Variants in UGT2B7 observed in about 807,000 individuals in gnomAD.
UGT2B7 encodes UDP glucuronosyltransferase family 2 member B7, also known as UDP-glucuronosyltransferase 2B7.
Under a neutral mutation model 51.9 loss-of-function variants are expected in UGT2B7, and 51 were observed. The ratio of observed to expected loss-of-function variants is 0.98; its 90% CI spans 0.78 to 1.24. The LOEUF is 1.24. Ranked by LOEUF, UGT2B7 falls within the 50% of genes most tolerant of loss-of-function variation. The pLI, the probability that UGT2B7 is intolerant of heterozygous loss-of-function variation, is 0.00. For synonymous variants in UGT2B7, 225 were observed against 211.6 expected (o/e 1.06, Z -0.55); for missense variants, 727 against 628.4 (o/e 1.16, Z -1.68).
chr4:69,063,573 G>T (rs1718406142), intron 1 of UGT2B7, among the ~76,000 whole-genome samples: 1 of 151,986 alleles, frequency 6.6e-6, no homozygotes, highest in Non-Finnish European at 1.5e-5. Flanking sequence ...CTGCCTCCTA[G>T]CCCAAAAAGA....
intron 1 of UGT2B7, among the ~76,000 whole-genome samples, chr4:69,064,029 AAAG>A (rs1487460419): frequency 1.3e-5 from 1 of 74,896 alleles, no homozygotes; most frequent in Non-Finnish European, 2.4e-5. Context: ...GGAAAGAAAG[AAAG>A]AAAGAAAGAA....
intron 1 of UGT2B7, among the ~76,000 whole-genome samples, chr4:69,081,106 A>G (rs575119409): frequency 1.3e-4 from 20 of 152,288 alleles, no homozygotes; most frequent in African/African-American, 4.8e-4. Flanking sequence ...TCACTGAAGA[A>G]AAACAAATTG....
intron 1 of UGT2B7, among the ~76,000 whole-genome samples, chr4:69,058,872 G>C (rs1170486796): frequency 3.3e-5 from 5 of 152,044 alleles, no homozygotes; most frequent in African/African-American, 7.3e-5. Context: ...GGGCATGGAA[G>C]TGGGCATGGA....
chr4:69,110,742 A>G (rs963417764), intron 5 of UGT2B7, among the ~76,000 whole-genome samples: 1 of 152,166 alleles, frequency 6.6e-6, no homozygotes, highest in Admixed American at 6.5e-5. Flanking sequence ...AATGGTTCAG[A>G]AAAAGAGAGT....
At chr4:69,101,973 C>T (rs376860175) in intron 2 of UGT2B7, among the ~76,000 whole-genome samples, 140 of 152,222 alleles carry the variant, frequency 9.2e-4, no homozygotes, top group African/African-American at 3.2e-3. Context: ...ATGAGAGTTC[C>T]TCACATGCAG....
intron 1 of UGT2B7, among the ~76,000 whole-genome samples, chr4:69,070,247 T>C (rs2109867987): frequency 6.8e-6 from 1 of 147,456 alleles, no homozygotes; most frequent in African/African-American, 2.4e-5. Flanking sequence ...ATATCATAAA[T>C]TTATATATTT....
intron 3 of UGT2B7, among the ~76,000 whole-genome samples, chr4:69,106,947 T>C (rs1719618804): frequency 6.6e-6 from 1 of 152,144 alleles, no homozygotes; most frequent in Admixed American, 6.6e-5. Flanking sequence ...TTTTCATTGA[T>C]AATCTGATTT....
At chr4:69,098,301 CATT>C (rs1719306199) in intron 1 of UGT2B7, among the ~76,000 whole-genome samples, 1 of 152,006 alleles carries the variant, frequency 6.6e-6, no homozygotes, top group Non-Finnish European at 1.5e-5. Context: ...ACTGATGCGA[CATT>C]AGAGATGTAG....
chr4:69,076,735 C>T (rs945026377), intron 1 of UGT2B7, among the ~76,000 whole-genome samples: 1 of 152,136 alleles, frequency 6.6e-6, no homozygotes, highest in Non-Finnish European at 1.5e-5. Context: ...TGTAGGTTGC[C>T]TCTTCACTCT....
chr4:69,061,246 A>G (rs931026656), intron 1 of UGT2B7, among the ~76,000 whole-genome samples: 4 of 152,198 alleles, frequency 2.6e-5, no homozygotes, highest in African/African-American at 4.8e-5. Context: ...TCATGGGGCT[A>G]TTTACAAAGA....
At chr4:69,054,790 C>T (rs575456575) in intron 1 of UGT2B7, among the ~76,000 whole-genome samples, 25 of 152,210 alleles carry the variant, frequency 1.6e-4, no homozygotes, top group East Asian at 5.8e-4. Context: ...GGAAACTCAT[C>T]GCAGGACTCA....
At chr4:69,098,515 C>T (rs560174749) in intron 1 of UGT2B7, 25 bp from the exon 2 acceptor site, 1 of 1,521,080 alleles carries the variant, frequency 6.6e-7, no homozygotes, top group Non-Finnish European at 8.7e-7. Context: ...GTGTCATCCA[C>T]CTTTTTTTTT....
upstream of UGT2B7, among the ~76,000 whole-genome samples, chr4:69,092,739 TA>T (rs1577919017): frequency 6.6e-6 from 1 of 152,040 alleles, no homozygotes; most frequent in African/African-American, 2.4e-5. Context: ...TCAAAATAAA[TA>T]GAAGAGAGTT....
rs780789575 is a variant in UGT2B7, at chr4:69,108,192, C to T, written c.1180C>T (p.Pro394Ser). 6.2e-7 allele frequency: 1 copy of T among 1,613,746 alleles called. No individual in the cohort carries two copies. The highest frequency in any genetic ancestry group is 8.5e-7 in the Non-Finnish European group (1 of 1,179,746). Residue 394 changes from proline (P) to serine (S), a missense_variant, in exon 5 of 6, where the codon CCA becomes TCA. Coordinates refer to ENST00000305231, the MANE Select transcript of UGT2B7 (RefSeq NM_001074.4). ...CCATGGGATCCCTATGGTGGGGATTCCATTGTTTGCCGATCAACCTGATAA... is the reference window on the plus strand; with the variant it reads ...CCATGGGATCCCTATGGTGGGGATTTCATTGTTTGCCGATCAACCTGATAA... ...IYHGIPMVGI[P>S]LFADQPDNIA... is the part of the protein sequence containing the mutation.
intron 1 of UGT2B7, among the ~76,000 whole-genome samples, chr4:69,073,344 A>G (rs1485255767): frequency 6.6e-6 from 1 of 152,138 alleles, no homozygotes; most frequent in Non-Finnish European, 1.5e-5. Context: ...CACTTTTTGG[A>G]TTTATGATCC....
chr4:69,102,666 T>G, intron 2 of UGT2B7, 141 bp from the exon 3 acceptor site: 1 of 1,309,554 alleles, frequency 7.6e-7, no homozygotes, highest in Non-Finnish European at 1.0e-6. Flanking sequence ...ACTGAGTGAT[T>G]GGGTCAGTTA....
intron 1 of UGT2B7, among the ~76,000 whole-genome samples, chr4:69,088,562 A>C (rs1359733734): frequency 2.6e-5 from 4 of 152,146 alleles, no homozygotes; most frequent in Non-Finnish European, 4.4e-5. Flanking sequence ...AGGTCATAGA[A>C]AAGCTCCGTA....
intron 3 of UGT2B7, among the ~76,000 whole-genome samples, chr4:69,106,760 A>G (rs1242340908): frequency 6.6e-6 from 1 of 151,770 alleles, no homozygotes; most frequent in Non-Finnish European, 1.5e-5. Flanking sequence ...CAGTATCATG[A>G]TATTTTTTGA....
chr4:69,096,526 T>C lies in UGT2B7; in HGVS notation c.6T>C (p.Ser2=). The change falls in exon 1 of 6, where the codon TCT becomes TCC. Residue 2 remains serine, a synonymous_variant. Coordinates refer to ENST00000305231, the MANE Select transcript of UGT2B7 (RefSeq NM_001074.4). M[S]VKWTSVILLI... is the part of the protein sequence containing the mutation. ...AAGCATTGCATTGCACCAGGATGTC[T>C]GTGAAATGGACTTCAGTAATTTTGC... 6.2e-7 allele frequency: 1 copy of C among 1,613,912 alleles called. No individual in the cohort carries two copies. The highest frequency in any genetic ancestry group is 8.5e-7 in the Non-Finnish European group (1 of 1,179,810).
Sources: gnomAD v4.1 joint callset for allele counts (sites outside exome capture counted in the v4.1 genomes callset) on GRCh38, gnomAD v4.1.1 for gene constraint, MANE v1.5 for transcripts, NCBI Gene and HGNC (gene_info 2026-07-23, HGNC 2026-07-21) for gene names.